CEP63: variants seen among roughly 807,000 people sequenced by gnomAD.
CEP63 encodes the protein centrosomal protein 63, also known as centrosomal protein of 63 kDa.
CEP63 carries 84 observed loss-of-function variants against 89.1 expected under a neutral mutation model. The ratio of observed to expected loss-of-function variants is 0.94; its 90% CI spans 0.79 to 1.13. The LOEUF (loss-of-function observed/expected upper bound fraction) is 1.13, where lower values mean the gene tolerates loss of function less well. CEP63 is among the 50% of genes most tolerant of loss of function. The pLI is 0.00. For missense variants in CEP63, 838 were observed against 813.3 expected (o/e 1.03, Z -0.37); for synonymous variants, 267 against 272.5 (o/e 0.98, Z 0.20).
chr3:134,551,891 G>A, intron 11 of CEP63, 35 bp from the exon 12 acceptor site: 13 of 1,441,390 alleles, frequency 9.0e-6, no homozygotes, highest in Non-Finnish European at 1.2e-5. Flanking sequence ...TGATTTACAT[G>A]TTATATTTAT....
the CEP63 span, among the ~76,000 whole-genome samples, chr3:134,719,367 C>T: frequency 6.6e-6 from 1 of 152,106 alleles, no homozygotes; most frequent in Non-Finnish European, 1.5e-5. Flanking sequence ...TTAACACAAT[C>T]CCCAGGTGAT....
At chr3:134,541,002 G>C (rs935567435) in intron 6 of CEP63, among the ~76,000 whole-genome samples, 1 of 151,966 alleles carries the variant, frequency 6.6e-6, no homozygotes, top group Admixed American at 6.6e-5. Flanking sequence ...TGTTGGTCTT[G>C]AACTCCAGAC....
intron 3 of CEP63, among the ~76,000 whole-genome samples, chr3:134,526,508 A>C (rs1476950353): frequency 6.6e-6 from 1 of 152,090 alleles, no homozygotes; most frequent in African/African-American, 2.4e-5. Flanking sequence ...GCATTGTTTT[A>C]TCATGATTCT....
chr3:134,596,409 C>G, the CEP63 span, among the ~76,000 whole-genome samples: 1 of 152,178 alleles, frequency 6.6e-6, no homozygotes. Context: ...TTGAAGACCA[C>G]TGTTAGCTGC....
At chr3:134,733,890 A>G in the CEP63 span, among the ~76,000 whole-genome samples, 4 of 152,216 alleles carry the variant, frequency 2.6e-5, no homozygotes, top group East Asian at 1.9e-4. Flanking sequence ...CTTCCCTAAC[A>G]TAATAAACCA....
At chr3:134,718,305 G>C in the CEP63 span, among the ~76,000 whole-genome samples, 2 of 152,154 alleles carry the variant, frequency 1.3e-5, no homozygotes, top group African/African-American at 4.8e-5. Flanking sequence ...CACTGAAGAA[G>C]AAAATGCCTA....
At chr3:134,546,017 A>G (rs1357762) in intron 7 of CEP63, 132 bp from the exon 8 acceptor site, 2 of 988,066 alleles carry the variant, frequency 2.0e-6, no homozygotes, top group Non-Finnish European at 3.0e-6. Context: ...CGTAACTTAT[A>G]GTCTGACTTC....
chr3:134,567,560 A>G (rs752182592), downstream of CEP63, among the ~76,000 whole-genome samples: 11 of 151,760 alleles, frequency 7.2e-5, no homozygotes, highest in Middle Eastern at 3.4e-3. Context: ...AGCACAAGCT[A>G]TTCTAAAGTT....
At chr3:134,498,915 G>T (rs1185977021) in intron 2 of CEP63, among the ~76,000 whole-genome samples, 1 of 152,126 alleles carries the variant, frequency 6.6e-6, no homozygotes, top group Non-Finnish European at 1.5e-5. Flanking sequence ...TTATCTTTCT[G>T]TTCTGTTGTT....
At chr3:134,650,425 C>T in the CEP63 span, among the ~76,000 whole-genome samples, 1 of 152,186 alleles carries the variant, frequency 6.6e-6, no homozygotes, top group African/African-American at 2.4e-5. Flanking sequence ...TCCCAGCGTC[C>T]CCTGTGCCCT....
At position 134,581,679 on chromosome 3, in the gene CEP63, A is replaced by T. The variant is rs1212931529; in HGVS notation, c.1207-5779A>T. Among the ~76,000 whole-genome samples, 320 of 124,184 alleles carry T rather than the reference A, an allele frequency of 2.6e-3. 4 individuals carry two copies. Among genetic ancestry groups the T allele is most frequent in the African/African-American group, 3.9e-3 (122 of 30,922 alleles). 81.5% of individuals were successfully genotyped at this position (124,184 alleles called of 152,430 possible). On this transcript the variant is annotated intron_variant, in intron 10 of 10. Transcript: ENST00000683931. ...CTCAATACACATTCATGATGAAAAC[A>T]TTTTTTTTTTTTTTGAGACGGAGTC...
the CEP63 span, among the ~76,000 whole-genome samples, chr3:134,597,607 G>A: frequency 1.3e-5 from 2 of 152,214 alleles, no homozygotes; most frequent in African/African-American, 4.8e-5. Flanking sequence ...CTCTTGCCAG[G>A]CAGCCCCAGC....
chr3:134,774,694 G>T, the CEP63 span, among the ~76,000 whole-genome samples: 1 of 152,154 alleles, frequency 6.6e-6, no homozygotes, highest in East Asian at 1.9e-4. Flanking sequence ...AACAGAGCGG[G>T]GTTCAAGCCC....
At chr3:134,668,365 A>G in the CEP63 span, among the ~76,000 whole-genome samples, 1 of 152,160 alleles carries the variant, frequency 6.6e-6, no homozygotes, top group East Asian at 1.9e-4. Context: ...GGAAGCCATG[A>G]AGCCTATGGT....
the CEP63 span, among the ~76,000 whole-genome samples, chr3:134,701,484 A>G: frequency 1.3e-5 from 2 of 148,660 alleles, no homozygotes; most frequent in Non-Finnish European, 3.0e-5. Context: ...ACACATATAT[A>G]TATACATACA....
the CEP63 span, among the ~76,000 whole-genome samples, chr3:134,746,533 C>G: frequency 6.6e-6 from 1 of 152,202 alleles, no homozygotes; most frequent in Non-Finnish European, 1.5e-5. Context: ...TTTACACTCC[C>G]ATCAACAGTG....
chr3:134,730,677 T>G, the CEP63 span, among the ~76,000 whole-genome samples: 1 of 151,836 alleles, frequency 6.6e-6, no homozygotes, highest in Non-Finnish European at 1.5e-5. Context: ...AACTATAAAC[T>G]TAAAAAAATG....
Position 134,520,290 on chromosome 3 carries a change from T to TA in CEP63, c.223-11550dup, listed in dbSNP as rs542278247. On this transcript the variant is annotated intron_variant, in intron 3 of 14. Transcript: ENST00000675561. ...ATTCTTTGTACCAGCAAAAAGCAAT[T>TA]AAAAATGAAGTTAAAAAAGATACCC... Among the ~76,000 whole-genome samples the TA allele has an allele frequency of 1.2e-3, 178 of 152,182 alleles. 1 individual carries two copies. The highest frequency in any genetic ancestry group is 4.1e-3 in the African/African-American group (171 of 41,556).
At chr3:134,571,994 G>A (rs1233952466) in intron 11 of CEP63, among the ~76,000 whole-genome samples, 1 of 152,144 alleles carries the variant, frequency 6.6e-6, no homozygotes, top group Non-Finnish European at 1.5e-5. Flanking sequence ...TACTCATAAT[G>A]GAAGAAAAGT....
Sources: allele counts gnomAD v4.1 joint callset (sites outside exome capture counted in the v4.1 genomes callset), GRCh38; gene constraint gnomAD v4.1.1; transcripts MANE v1.5; gene names NCBI Gene and HGNC (gene_info 2026-07-23, HGNC 2026-07-21).